The following MINDY4 variants were observed in gnomAD, a reference collection of about 807,000 sequenced individuals.
MINDY4 encodes probable ubiquitin carboxyl-terminal hydrolase MINDY-4.
Under a neutral mutation model 87.0 loss-of-function variants are expected in MINDY4, and 68 were observed. The ratio of observed to expected loss-of-function variants is 0.78; its 90% CI spans 0.64 to 0.96. The LOEUF is 0.96. Among genes scored for constraint, MINDY4 ranks in the 40% least tolerant of loss-of-function variants. The pLI is 0.00. For synonymous variants in MINDY4, 379 were observed against 363.2 expected, an observed-to-expected ratio of 1.04 and a Z score of -0.50; for missense variants, 919 against 928.2, an observed-to-expected ratio of 0.99 and a Z score of 0.13.
intron 15 of MINDY4, among the ~76,000 whole-genome samples, chr7:30,878,448 C>T (rs1227416009): frequency 6.6e-6 from 1 of 152,188 alleles, no homozygotes; most frequent in Non-Finnish European, 1.5e-5. Context: ...TGTGTCCTGC[C>T]GGACCTCCAT....
intron 12 of MINDY4, among the ~76,000 whole-genome samples, chr7:30,854,880 C>T (rs943516366): frequency 1.1e-4 from 16 of 152,248 alleles, no homozygotes; most frequent in African/African-American, 3.6e-4. Flanking sequence ...TGCTTTCACC[C>T]CTCAGCCTGG....
intron 10 of MINDY4, among the ~76,000 whole-genome samples, chr7:30,851,658 A>C (rs905198948): frequency 2.6e-5 from 4 of 152,186 alleles, no homozygotes; most frequent in African/African-American, 9.7e-5. Context: ...ATGGGGCAGG[A>C]ATTCAATTTC....
intron 6 of MINDY4, among the ~76,000 whole-genome samples, chr7:30,830,824 C>A (rs531964430): frequency 1.3e-5 from 2 of 152,084 alleles, no homozygotes; most frequent in African/African-American, 4.8e-5. Context: ...TGTCAAATAG[C>A]GATGTGGAAG....
chr7:30,883,145 A>G, intron 17 of MINDY4, 152 bp downstream of exon 17: 1 of 719,196 alleles, frequency 1.4e-6, no homozygotes, highest in Non-Finnish European at 2.3e-6. Flanking sequence ...AGGTTTCTCC[A>G]CTCGTGGTCA....
intron 1 of MINDY4, among the ~76,000 whole-genome samples, chr7:30,772,281 A>G (rs1337286925): frequency 6.6e-6 from 1 of 152,158 alleles, no homozygotes; most frequent in African/African-American, 2.4e-5. Flanking sequence ...CTGTCCTTGC[A>G]GTGTCATACT....
At chr7:30,804,223 A>G (rs1277215896) in intron 5 of MINDY4, among the ~76,000 whole-genome samples, 5 of 152,176 alleles carry the variant, frequency 3.3e-5, no homozygotes, top group Non-Finnish European at 7.4e-5. Context: ...GCTAGATTCC[A>G]TGTGTGTGCC....
chr7:30,803,588 C>T (rs1275019308), intron 5 of MINDY4, among the ~76,000 whole-genome samples: 3 of 151,970 alleles, frequency 2.0e-5, no homozygotes, highest in African/African-American at 7.3e-5. Flanking sequence ...TTTGAATAAC[C>T]CAGTTTTGTG....
intron 13 of MINDY4, among the ~76,000 whole-genome samples, chr7:30,870,841 C>A (rs1354706148): frequency 1.3e-5 from 2 of 152,236 alleles, no homozygotes; most frequent in African/African-American, 2.4e-5. Context: ...TTATACCTGG[C>A]CTCTCTCTTT....
At chr7:30,805,559 C>G (rs966590764) in intron 5 of MINDY4, among the ~76,000 whole-genome samples, 2 of 152,034 alleles carry the variant, frequency 1.3e-5, no homozygotes, top group African/African-American at 2.4e-5. Flanking sequence ...GAGCAGAGCC[C>G]CACCCAAGGC....
intron 17 of MINDY4, among the ~76,000 whole-genome samples, chr7:30,887,248 C>T (rs1391386253): frequency 6.6e-6 from 1 of 152,152 alleles, no homozygotes; most frequent in Admixed American, 6.5e-5. Context: ...GGCGCTGTCA[C>T]TCCCCACTGT....
At chr7:30,862,460 C>T (rs557200176) in intron 13 of MINDY4, among the ~76,000 whole-genome samples, 17 of 152,364 alleles carry the variant, frequency 1.1e-4, no homozygotes, top group South Asian at 6.2e-4. Flanking sequence ...TGCACTCCAG[C>T]GGCGCTCCCT....
At chr7:30,860,410 C>G (rs1488799379) in intron 13 of MINDY4, among the ~76,000 whole-genome samples, 2 of 152,160 alleles carry the variant, frequency 1.3e-5, no homozygotes, top group Non-Finnish European at 2.9e-5. Context: ...TTTCCAACTT[C>G]TAATCCTGCC....
intron 15 of MINDY4, 74 bp from the exon 16 acceptor site, chr7:30,882,107 T>A: frequency 7.0e-7 from 1 of 1,432,596 alleles, no homozygotes; most frequent in South Asian, 1.3e-5. Context: ...AGCCCTGCCT[T>A]GAGTCAGACA....
chr7:30,804,297 G>A (rs1787743700), intron 5 of MINDY4, among the ~76,000 whole-genome samples: 1 of 152,180 alleles, frequency 6.6e-6, no homozygotes, highest in East Asian at 1.9e-4. Flanking sequence ...AAAGCCATGG[G>A]ATTTCTTTCA....
intron 5 of MINDY4, among the ~76,000 whole-genome samples, chr7:30,821,073 A>C (rs948676079): frequency 1.2e-4 from 19 of 152,338 alleles, no homozygotes; most frequent in Middle Eastern, 3.4e-3. Flanking sequence ...CCCCCTCAAA[A>C]AAATGTGAGA....
At chr7:30,883,026 A>T (rs377409260) in intron 17 of MINDY4, 33 bp downstream of exon 17, 5 of 1,605,832 alleles carry the variant, frequency 3.1e-6, no homozygotes, top group Non-Finnish European at 4.3e-6. Flanking sequence ...TTTGAGCCTC[A>T]CCCTGAATAG....
rs1790426912 is a variant in MINDY4 at position 30,880,388 on chromosome 7, G to A, written c.1972-1793G>A. ...GAAGTGAATTTCATCTCTGGAAAAT[G>A]TCACCCACTTGGAAAGAGGCTCCTG... On this transcript the variant is annotated intron_variant, in intron 15 of 17. Coordinates refer to ENST00000265299, the MANE Select transcript of MINDY4 (RefSeq NM_032222.3). Among the ~76,000 whole-genome samples the A allele has an allele frequency of 3.6e-5, 5 of 139,266 alleles. No individual in the cohort carries two copies. In the South Asian group the frequency reaches 1.2e-3, roughly 32 times the overall value. 91.4% of individuals were successfully genotyped at this position (139,266 alleles called of 152,430 possible).
intron 4 of MINDY4, 44 bp from the exon 5 acceptor site, chr7:30,791,121 T>A: frequency 6.6e-7 from 1 of 1,520,996 alleles, no homozygotes. Context: ...GTTTTCCAGC[T>A]CCCCTCAAAG....
chr7:30,806,295 G>C (rs1362713747), intron 5 of MINDY4, among the ~76,000 whole-genome samples: 2 of 152,080 alleles, frequency 1.3e-5, no homozygotes, highest in Admixed American at 1.3e-4. Context: ...AACAGATTTG[G>C]GTGCAAATCC....
Sources: gnomAD v4.1 joint callset for allele counts (sites outside exome capture counted in the v4.1 genomes callset) on GRCh38, gnomAD v4.1.1 for gene constraint, MANE v1.5 for transcripts, NCBI Gene and HGNC (gene_info 2026-07-23, HGNC 2026-07-21) for gene names.